Variants in PRLR observed in about 807,000 individuals in gnomAD.
PRLR encodes the protein hPRL receptor.
PRLR carries 13 observed loss-of-function variants against 40.2 expected under a neutral mutation model. The ratio of observed to expected loss-of-function variants is 0.32; its 90% confidence interval spans 0.21 to 0.51. PRLR has a LOEUF of 0.51. PRLR is among the 20% of genes least tolerant of loss of function. The probability of loss-of-function intolerance (pLI) is 0.97; values close to 1 mark genes in which losing one functional copy is unlikely to be tolerated. For missense variants in PRLR, 656 were observed against 747.3 expected, an observed-to-expected ratio of 0.88 and a Z score of 1.42; for synonymous variants, 269 against 278.7, an observed-to-expected ratio of 0.97 and a Z score of 0.35.
intron 1 of PRLR, among the ~76,000 whole-genome samples, chr5:35,130,742 C>A (rs1204040226): frequency 1.3e-5 from 2 of 152,154 alleles, no homozygotes; most frequent in Non-Finnish European, 2.9e-5. Flanking sequence ...AGAATGTGAC[C>A]TCATTTGGAA....
At chr5:35,126,461 ATCAATCAT>A (rs2111753829) in intron 1 of PRLR, among the ~76,000 whole-genome samples, 1 of 152,324 alleles carries the variant, frequency 6.6e-6, no homozygotes, top group Admixed American at 6.5e-5. Flanking sequence ...GTCCAATTGC[ATCAATCAT>A]TCATTTTAAT....
chr5:35,144,107 A>T (rs1579727008), intron 1 of PRLR, among the ~76,000 whole-genome samples: 1 of 129,194 alleles, frequency 7.7e-6, no homozygotes, highest in Admixed American at 8.5e-5. Flanking sequence ...GATGCCACAG[A>T]TTTTCAACAA....
At chr5:35,196,076 A>C (rs1270632402) in intron 1 of PRLR, among the ~76,000 whole-genome samples, 1 of 5,030 alleles carries the variant, frequency 2.0e-4, no homozygotes, top group East Asian at 6.1e-4. Context: ...AAATAAAATA[A>C]AATAAAATAA....
At chr5:35,108,836 G>T (rs1383804619) in intron 2 of PRLR, among the ~76,000 whole-genome samples, 1 of 152,112 alleles carries the variant, frequency 6.6e-6, no homozygotes, top group Non-Finnish European at 1.5e-5. Context: ...AGCTACCAAT[G>T]ACTTTCTTCA....
At chr5:35,071,843 A>C (rs947961124) in intron 6 of PRLR, among the ~76,000 whole-genome samples, 2 of 150,736 alleles carry the variant, frequency 1.3e-5, no homozygotes, top group Admixed American at 6.6e-5. Flanking sequence ...CAAGTGATCC[A>C]CCTGCTTCTG....
At chr5:35,228,084 C>A (rs535888162) in intron 1 of PRLR, among the ~76,000 whole-genome samples, 2 of 152,138 alleles carry the variant, frequency 1.3e-5, no homozygotes, top group South Asian at 4.2e-4. Context: ...CTAATGTAAG[C>A]CCCATAGGAG....
intron 2 of PRLR, among the ~76,000 whole-genome samples, chr5:35,096,213 AAC>A (rs1771526255): frequency 6.6e-6 from 1 of 152,216 alleles, no homozygotes; most frequent in Non-Finnish European, 1.5e-5. Context: ...TCACTTTAAT[AAC>A]ACAGAACACC....
intron 1 of PRLR, among the ~76,000 whole-genome samples, chr5:35,217,651 G>C (rs1222523259): frequency 6.6e-6 from 1 of 152,124 alleles, no homozygotes; most frequent in Non-Finnish European, 1.5e-5. Flanking sequence ...GGACAGGAGA[G>C]GGGGACATTT....
intron 2 of PRLR, 39 bp from the exon 3 acceptor site, chr5:35,089,702 A>C (rs2112474878): frequency 7.4e-7 from 1 of 1,344,732 alleles, no homozygotes; most frequent in South Asian, 1.2e-5. Flanking sequence ...GTGAAATGGC[A>C]GTCTGGTCAG....
At chr5:35,075,023 G>A (rs145488478) in intron 5 of PRLR, among the ~76,000 whole-genome samples, 1 of 152,250 alleles carries the variant, frequency 6.6e-6, no homozygotes, top group East Asian at 1.9e-4. Flanking sequence ...GGCATTATGA[G>A]TTACATTTGC....
chr5:35,070,092 G>A, intron 7 of PRLR, 32 bp downstream of exon 7: 2 of 1,585,956 alleles, frequency 1.3e-6, no homozygotes, highest in East Asian at 2.2e-5. Flanking sequence ...ACATATTTAG[G>A]GACATAAGCA....
chr5:35,166,198 C>T (rs1774821019), intron 1 of PRLR, among the ~76,000 whole-genome samples: 1 of 152,146 alleles, frequency 6.6e-6, no homozygotes. Context: ...CAGAATAGTA[C>T]TTCAAACTAA....
intron 2 of PRLR, among the ~76,000 whole-genome samples, chr5:35,115,922 A>T (rs1772987989): frequency 6.6e-6 from 1 of 152,102 alleles, no homozygotes; most frequent in Non-Finnish European, 1.5e-5. Context: ...TCTTTTAAGG[A>T]GGGTCCCCCC....
In PRLR at chr5:35,065,156, T is replaced by C; in HGVS notation, c.1802A>G (p.Lys601Arg). 2 of 1,614,222 alleles carry C rather than the reference T, an allele frequency of 1.2e-6. No individual in the cohort carries two copies. The highest frequency in any genetic ancestry group is 1.7e-6 in the Non-Finnish European group (2 of 1,180,024). ...CAAACCACCCAGCTGGAGCCTGCAC[T>C]TGCTTGATGTTGCAGTGAAGTTGGC... ...ALANFTATSSKCRLQLGGLDY... is the reference protein window; with the variant it reads ...ALANFTATSSRCRLQLGGLDY... Residue 601 changes from lysine to arginine, a missense_variant, in exon 10 of 10, where the codon AAG (lysine) becomes AGG (arginine). Lys to Arg is a conservative substitution (Grantham distance 26). Coordinates refer to ENST00000618457, the MANE Select transcript of PRLR (RefSeq NM_000949.7).
intron 1 of PRLR, among the ~76,000 whole-genome samples, chr5:35,217,883 T>C (rs1203512436): frequency 6.6e-6 from 1 of 152,210 alleles, no homozygotes; most frequent in African/African-American, 2.4e-5. Context: ...ATCACATAAC[T>C]GCCATTAATT....
chr5:35,106,739 A>T (rs899014709), intron 2 of PRLR, among the ~76,000 whole-genome samples: 1 of 152,202 alleles, frequency 6.6e-6, no homozygotes, highest in Admixed American at 6.5e-5. Context: ...GTCCTTAGAG[A>T]CCTGCAAGGA....
chr5:35,223,504 T>C (rs1348305295), intron 1 of PRLR, among the ~76,000 whole-genome samples: 1 of 152,190 alleles, frequency 6.6e-6, no homozygotes, highest in African/African-American at 2.4e-5. Flanking sequence ...CTTTTCCACA[T>C]CACGCACCCC....
intron 5 of PRLR, among the ~76,000 whole-genome samples, chr5:35,083,890 T>C (rs536305906): frequency 1.3e-5 from 2 of 152,190 alleles, no homozygotes; most frequent in East Asian, 3.9e-4. Flanking sequence ...TCTTATGTTA[T>C]AAAAGTAACA....
At chr5:35,188,593 GA>G (rs1775512135) in intron 1 of PRLR, among the ~76,000 whole-genome samples, 1 of 152,176 alleles carries the variant, frequency 6.6e-6, no homozygotes, top group African/African-American at 2.4e-5. Context: ...TGGAGAACGG[GA>G]AAGAAAAATC....
Sources: allele counts gnomAD v4.1 joint callset (sites outside exome capture counted in the v4.1 genomes callset), GRCh38; gene constraint gnomAD v4.1.1; transcripts MANE v1.5; gene names NCBI Gene and HGNC (gene_info 2026-07-23, HGNC 2026-07-21).